The following BMPR1B variants were observed in gnomAD, a reference collection of about 807,000 sequenced individuals.
BMPR1B encodes the protein bone morphogenetic protein receptor type 1B.
A neutral mutation model predicts 59.1 loss-of-function variants in BMPR1B; 12 were observed. That is an observed-to-expected ratio of 0.20 (90% CI 0.13 to 0.33). The LOEUF (loss-of-function observed/expected upper bound fraction) is 0.33, where lower values mean the gene tolerates loss of function less well. Among genes scored for constraint, BMPR1B ranks in the 10% least tolerant of loss-of-function variants. BMPR1B has a pLI of 1.00. For synonymous variants in BMPR1B, 237 were observed against 207.3 expected, an observed-to-expected ratio of 1.14 and a Z score of -1.23; for missense variants, 550 against 610.9, an observed-to-expected ratio of 0.90 and a Z score of 1.05.
chr4:95,049,309 C>A (rs538467213), intron 3 of BMPR1B, among the ~76,000 whole-genome samples: 1 of 151,328 alleles, frequency 6.6e-6, no homozygotes, highest in African/African-American at 2.4e-5. Flanking sequence ...GAGACAGGGT[C>A]TTGCTATGTT....
At chr4:94,851,640 A>G (rs1390990501) in intron 1 of BMPR1B, among the ~76,000 whole-genome samples, 1 of 150,952 alleles carries the variant, frequency 6.6e-6, no homozygotes, top group African/African-American at 2.4e-5. Flanking sequence ...TCTAATTTAT[A>G]CAGCTATTAA....
At chr4:94,832,895 T>G (rs1686352693) in intron 1 of BMPR1B, among the ~76,000 whole-genome samples, 1 of 152,072 alleles carries the variant, frequency 6.6e-6, no homozygotes, top group Admixed American at 6.5e-5. Context: ...GTCATGTCTG[T>G]GAGTTGTTTC....
At chr4:95,027,335 A>G (rs17345417) in intron 3 of BMPR1B, among the ~76,000 whole-genome samples, 13,962 of 152,272 alleles carry the variant, frequency 0.092, 708 homozygotes, top group Middle Eastern at 0.17. Flanking sequence ...CTAAAATGCT[A>G]AATCAGTTAT....
chr4:94,882,692 T>C (rs1161046860), intron 2 of BMPR1B, among the ~76,000 whole-genome samples: 1 of 152,204 alleles, frequency 6.6e-6, no homozygotes, highest in Non-Finnish European at 1.5e-5. Flanking sequence ...TTACAGTACT[T>C]TTGAAAGATA....
At chr4:94,918,200 A>G (rs989842474) in intron 2 of BMPR1B, among the ~76,000 whole-genome samples, 3 of 152,130 alleles carry the variant, frequency 2.0e-5, no homozygotes, top group African/African-American at 7.2e-5. Context: ...CAATTAAATT[A>G]TGATGGAATG....
chr4:95,019,932 A>G (rs1255138140), intron 3 of BMPR1B, among the ~76,000 whole-genome samples: 4 of 152,288 alleles, frequency 2.6e-5, no homozygotes, highest in African/African-American at 9.6e-5. Context: ...GTTACTGCCA[A>G]TATTGGTACC....
At chr4:94,785,265 G>A (rs778581083) in intron 1 of BMPR1B, among the ~76,000 whole-genome samples, 1 of 151,942 alleles carries the variant, frequency 6.6e-6, no homozygotes, top group Non-Finnish European at 1.5e-5. Flanking sequence ...ATGTAAACTT[G>A]GCCTCAAACT....
At chr4:95,008,122 G>T (rs1722977028) in intron 3 of BMPR1B, among the ~76,000 whole-genome samples, 1 of 152,128 alleles carries the variant, frequency 6.6e-6, no homozygotes, top group Non-Finnish European at 1.5e-5. Context: ...ATTTTAATAA[G>T]CTGTGTTGGT....
chr4:95,061,972 C>G (rs560595626), intron 3 of BMPR1B, among the ~76,000 whole-genome samples: 11 of 152,188 alleles, frequency 7.2e-5, no homozygotes, highest in African/African-American at 2.6e-4. Flanking sequence ...TGGCACTTCC[C>G]CATTCACTCA....
At chr4:94,775,888 G>A (rs1053414706) in intron 1 of BMPR1B, among the ~76,000 whole-genome samples, 1 of 152,096 alleles carries the variant, frequency 6.6e-6, no homozygotes, top group East Asian at 1.9e-4. Flanking sequence ...ACAGGAGATC[G>A]AGAGCGTCCT....
At chr4:95,130,303 G>A (rs1370053590) in intron 9 of BMPR1B, among the ~76,000 whole-genome samples, 1 of 152,154 alleles carries the variant, frequency 6.6e-6, no homozygotes, top group Non-Finnish European at 1.5e-5. Context: ...TTCAGAAACA[G>A]GAAATGCGAG....
chr4:94,941,058 A>G (rs1408888625), intron 2 of BMPR1B, among the ~76,000 whole-genome samples: 5 of 152,216 alleles, frequency 3.3e-5, no homozygotes, highest in Admixed American at 3.3e-4. Context: ...TGTGAAATTC[A>G]ACTAGTTTCT....
At chr4:94,962,072 TTTCCTTCCTTCCTTCC>T (rs199574448) in intron 2 of BMPR1B, among the ~76,000 whole-genome samples, 1,397 of 117,974 alleles carry the variant, frequency 0.012, 18 homozygotes, top group African/African-American at 0.03. Context: ...CTTTCTTTTC[TTTCCTTCCTTCCTTCC>T]TTCCTTCCTT....
intron 1 of BMPR1B, among the ~76,000 whole-genome samples, chr4:94,823,447 C>A (rs371161845): frequency 6.6e-6 from 1 of 152,034 alleles, no homozygotes; most frequent in African/African-American, 2.4e-5. Flanking sequence ...AGCTGGTGTT[C>A]GGATCTATGT....
intron 2 of BMPR1B, among the ~76,000 whole-genome samples, chr4:94,887,859 C>G (rs539985757): frequency 2.6e-5 from 4 of 151,858 alleles, no homozygotes; most frequent in Non-Finnish European, 5.9e-5. Flanking sequence ...GAAAATTTTT[C>G]AGAAATAGAA....
intron 2 of BMPR1B, among the ~76,000 whole-genome samples, chr4:94,971,660 A>T (rs1730796383): frequency 1.3e-5 from 2 of 151,900 alleles, no homozygotes; most frequent in South Asian, 4.1e-4. Flanking sequence ...AATATTTAAG[A>T]TTTTTAAAAT....
intron 2 of BMPR1B, among the ~76,000 whole-genome samples, chr4:94,972,707 A>G (rs1044837201): frequency 3.9e-5 from 6 of 152,138 alleles, no homozygotes; most frequent in African/African-American, 7.2e-5. Context: ...AGTCAGACCT[A>G]TGCAAGTTTC....
intron 3 of BMPR1B, among the ~76,000 whole-genome samples, chr4:94,998,621 TCTCGGC>T (rs1418335162): frequency 6.6e-6 from 1 of 151,992 alleles, no homozygotes; most frequent in Non-Finnish European, 1.5e-5. Flanking sequence ...GATCTGCCTG[TCTCGGC>T]CTCCCAAAGT....
At chr4:94,780,941 G>A (rs932966077) in intron 1 of BMPR1B, among the ~76,000 whole-genome samples, 1 of 151,988 alleles carries the variant, frequency 6.6e-6, no homozygotes, top group Non-Finnish European at 1.5e-5. Flanking sequence ...ACCCACCTCG[G>A]CCTCCCAAAG....
Sources: allele counts gnomAD v4.1 joint callset (sites outside exome capture counted in the v4.1 genomes callset), GRCh38; gene constraint gnomAD v4.1.1; transcripts MANE v1.5; gene names NCBI Gene and HGNC (gene_info 2026-07-23, HGNC 2026-07-21).